The following TTC6 variants were observed in gnomAD, a reference collection of about 807,000 sequenced individuals.
The protein encoded by TTC6 is tetratricopeptide repeat domain 6.
Under a neutral mutation model 210.4 loss-of-function variants are expected in TTC6, and 172 were observed. The observed-to-expected ratio is 0.82, with a 90% confidence interval of 0.72 to 0.93. The LOEUF is 0.93. TTC6 is among the 40% of genes least tolerant of loss of function. The pLI is 0.00. For missense variants in TTC6, 2,414 were observed against 2,318.1 expected (o/e 1.04, Z -0.85); for synonymous variants, 804 against 819.6 (o/e 0.98, Z 0.32).
chr14:37,736,827 T>C (rs2095902964), intron 8 of TTC6, among the ~76,000 whole-genome samples: 1 of 152,152 alleles, frequency 6.6e-6, no homozygotes. Flanking sequence ...AAATCATGGC[T>C]TACTGCAGCC....
intron 29 of TTC6, among the ~76,000 whole-genome samples, chr14:37,830,597 C>G (rs1295959184): frequency 2.0e-5 from 3 of 151,590 alleles, no homozygotes; most frequent in African/African-American, 7.3e-5. Context: ...CCCTGTGGAC[C>G]TCATAAGTTA....
intron 27 of TTC6, among the ~76,000 whole-genome samples, chr14:37,824,644 T>A (rs770351033): frequency 1.3e-5 from 2 of 152,196 alleles, no homozygotes; most frequent in Non-Finnish European, 2.9e-5. Flanking sequence ...TATGAATAAT[T>A]GATTATAATC....
At chr14:37,738,424 G>T (rs1056092520) in intron 9 of TTC6, among the ~76,000 whole-genome samples, 9 of 151,418 alleles carry the variant, frequency 5.9e-5, no homozygotes, top group Admixed American at 4.6e-4. Flanking sequence ...CCTTCTACCA[G>T]TTTTTTTGCA....
chr14:37,642,143 G>A (rs1043718541), intron 1 of TTC6, among the ~76,000 whole-genome samples: 1 of 152,154 alleles, frequency 6.6e-6, no homozygotes, highest in African/African-American at 2.4e-5. Flanking sequence ...TTTGGTGGGA[G>A]GACCATTACA....
chr14:37,696,833 A>G, exon 4 of TTC6: 1 of 1,298,896 alleles, frequency 7.7e-7, no homozygotes, highest in Non-Finnish European at 1.0e-6. Flanking sequence ...AACTACATAA[A>G]AAGTAATTTT....
intron 20 of TTC6, chr14:37,802,540 A>G (rs2096109227): frequency 6.6e-6 from 1 of 152,112 alleles, no homozygotes; most frequent in African/African-American, 2.4e-5. Flanking sequence ...CATTGATAGC[A>G]GCTTTGTAGG....
intron 1 of TTC6, among the ~76,000 whole-genome samples, chr14:37,639,060 C>T (rs147079802): frequency 3.0e-3 from 451 of 152,252 alleles, no homozygotes; most frequent in Middle Eastern, 6.8e-3. Context: ...TATTATTCTG[C>T]AACTAACTTT....
chr14:37,662,886 G>A (rs34043056), intron 1 of TTC6, among the ~76,000 whole-genome samples: 8,712 of 151,934 alleles, frequency 0.057, 385 homozygotes, highest in Non-Finnish European at 0.09. Flanking sequence ...TTTTGGTTCC[G>A]TGTGGATTTT....
chr14:37,728,410 T>G lies in TTC6; in HGVS notation c.1818+3408T>G, dbSNP rs1277301289. On this transcript the variant is annotated intron_variant, in intron 7 of 30. Coordinates refer to ENST00000553443, the Ensembl canonical transcript of TTC6. ...ACCTGGCCAACATGATGAAACCCTA[T>G]CACTACCAAAAAAAAAAAAAAAAAA... Among the ~76,000 whole-genome samples, 16 of 94,798 alleles carry G rather than the reference T, an allele frequency of 1.7e-4. No individual in the cohort carries two copies. The Admixed American group carries it at 2.2e-3, about 13-fold the overall frequency. The allele number at this position is 94,798 out of a possible 152,430, so 62.2% of individuals were successfully genotyped here.
At chr14:37,729,386 G>A (rs1346498908) in intron 7 of TTC6, among the ~76,000 whole-genome samples, 1 of 152,182 alleles carries the variant, frequency 6.6e-6, no homozygotes, top group African/African-American at 2.4e-5. Context: ...TCTGCTTCAA[G>A]AAAATCTGCT....
intron 1 of TTC6, among the ~76,000 whole-genome samples, chr14:37,640,234 T>C (rs2095689250): frequency 6.6e-6 from 1 of 152,104 alleles, no homozygotes; most frequent in African/African-American, 2.4e-5. Context: ...GTACAGGTGC[T>C]ACCCAGAAAT....
chr14:37,627,111 C>T (rs1307026981), intron 1 of TTC6, among the ~76,000 whole-genome samples: 1 of 152,010 alleles, frequency 6.6e-6, no homozygotes, highest in East Asian at 1.9e-4. Context: ...CCCACTCTCT[C>T]TTGCTCCTAC....
At chr14:37,781,140 G>A (rs2096053686) in intron 14 of TTC6, among the ~76,000 whole-genome samples, 1 of 152,066 alleles carries the variant, frequency 6.6e-6, no homozygotes, top group African/African-American at 2.4e-5. Context: ...TTGTGTATAT[G>A]CCCAGTAATG....
Position 37,682,975 on chromosome 14 carries a change from A to C in TTC6, c.1257+11A>C, listed in dbSNP as rs1458570786. 2.0e-6 allele frequency: 3 copies of C among 1,533,376 alleles called. No homozygotes were observed. The African/African-American group carries it at 4.1e-5, about 21-fold the overall frequency. 95.0% of individuals were successfully genotyped at this position (1,533,376 alleles called of 1,614,324 possible). ...TGGGTGTCTTTAACGGTAAGAAACT[A>C]TTTATGTTGGAAACACCTAAGAGTT... is the stretch of plus-strand genomic sequence containing the variant. On this transcript the variant is annotated intron_variant, in intron 3 of 30. Transcript: ENST00000553443.
chr14:37,837,874 A>G (rs1595340081), intron 29 of TTC6, among the ~76,000 whole-genome samples: 4 of 152,314 alleles, frequency 2.6e-5, no homozygotes, highest in Admixed American at 2.6e-4. Context: ...TCTTCGGGAA[A>G]CATAGAGGAA....
intron 24 of TTC6, among the ~76,000 whole-genome samples, chr14:37,811,460 C>G (rs1329501018): frequency 6.6e-6 from 1 of 152,092 alleles, no homozygotes; most frequent in Non-Finnish European, 1.5e-5. Context: ...ATAAAATGCT[C>G]TTTGTCATTT....
At chr14:37,753,231 G>C (rs2095957723) in exon 14 of TTC6, 1 of 1,526,652 alleles carries the variant, frequency 6.6e-7, no homozygotes, top group East Asian at 2.5e-5. Flanking sequence ...AAATTCTCAA[G>C]CAAGGTAAGA....
intron 3 of TTC6, among the ~76,000 whole-genome samples, chr14:37,695,000 C>T (rs554709124): frequency 1.9e-4 from 28 of 148,564 alleles, no homozygotes; most frequent in African/African-American, 6.5e-4. Flanking sequence ...GTGATCATTC[C>T]GCTGCACTCC....
chr14:37,668,457 C>G (rs1373945574), intron 1 of TTC6, among the ~76,000 whole-genome samples: 2 of 150,388 alleles, frequency 1.3e-5, no homozygotes, highest in Non-Finnish European at 1.5e-5. Context: ...GACCAGAGAC[C>G]TCCATGCAAT....
Sources: allele counts gnomAD v4.1 joint callset (sites outside exome capture counted in the v4.1 genomes callset), GRCh38; gene constraint gnomAD v4.1.1; transcripts MANE v1.5; gene names NCBI Gene and HGNC (gene_info 2026-07-23, HGNC 2026-07-21).